Variants in CDK6 observed in about 807,000 individuals in gnomAD.
The protein encoded by CDK6 is cyclin dependent kinase 6, also known as cyclin-dependent kinase 6.
Under a neutral mutation model 37.1 loss-of-function variants are expected in CDK6, and 6 were observed. The ratio of observed to expected loss-of-function variants is 0.16; its 90% confidence interval spans 0.09 to 0.32. The LOEUF is 0.32. Ranked by LOEUF, CDK6 falls within the 10% of genes least tolerant of loss-of-function variation. CDK6 has a pLI of 1.00. For missense variants in CDK6, 224 were observed against 418.9 expected, an observed-to-expected ratio of 0.53 and a Z score of 4.06; for synonymous variants, 160 against 161.3, an observed-to-expected ratio of 0.99 and a Z score of 0.06.
chr7:92,758,366 C>T (rs1193781079), intron 3 of CDK6, among the ~76,000 whole-genome samples: 1 of 152,162 alleles, frequency 6.6e-6, no homozygotes, highest in Non-Finnish European at 1.5e-5. Context: ...GCCAGTTATT[C>T]CAGCACCCTT....
chr7:92,725,267 C>G, intron 4 of CDK6: 1 of 985,438 alleles, frequency 1.0e-6, no homozygotes, highest in Non-Finnish European at 1.2e-6. Context: ...CAACGTTGCT[C>G]GTGCTCTTTC....
chr7:92,722,091 C>T (rs1013747411), intron 4 of CDK6, among the ~76,000 whole-genome samples: 1 of 151,956 alleles, frequency 6.6e-6, no homozygotes, highest in African/African-American at 2.4e-5. Flanking sequence ...TATGTAAGAA[C>T]ATTTTGAAGT....
chr7:92,740,839 A>G (rs1798905849), intron 3 of CDK6, among the ~76,000 whole-genome samples: 1 of 152,166 alleles, frequency 6.6e-6, no homozygotes, highest in Non-Finnish European at 1.5e-5. Context: ...CCATATCATC[A>G]GAAACCTAAG....
chr7:92,691,500 T>C (rs754551022), intron 4 of CDK6, among the ~76,000 whole-genome samples: 4 of 152,362 alleles, frequency 2.6e-5, no homozygotes, highest in Admixed American at 6.5e-5. Context: ...GTTAGTTTCA[T>C]AGAATTTCAT....
At chr7:92,633,825 T>C (rs1251532126) in intron 5 of CDK6, among the ~76,000 whole-genome samples, 2 of 152,192 alleles carry the variant, frequency 1.3e-5, no homozygotes, top group Non-Finnish European at 2.9e-5. Context: ...TGAACTGTAT[T>C]ATGAGTATAA....
At chr7:92,669,592 C>T (rs553939833) in intron 5 of CDK6, among the ~76,000 whole-genome samples, 1 of 152,232 alleles carries the variant, frequency 6.6e-6, no homozygotes, top group Non-Finnish European at 1.5e-5. Context: ...AGTAGAATGA[C>T]TGTCTTAACT....
chr7:92,707,422 T>A (rs1797992800), intron 4 of CDK6, among the ~76,000 whole-genome samples: 1 of 152,260 alleles, frequency 6.6e-6, no homozygotes. Flanking sequence ...GCCGTTATAC[T>A]GCTTTTTGAA....
chr7:92,784,949 G>A (rs1473518247), intron 2 of CDK6, among the ~76,000 whole-genome samples: 1 of 152,152 alleles, frequency 6.6e-6, no homozygotes, highest in African/African-American at 2.4e-5. Context: ...GCTGTTAAAC[G>A]AAGACTCAAA....
chr7:92,793,639 A>G (rs1244847884), intron 2 of CDK6, among the ~76,000 whole-genome samples: 2 of 152,174 alleles, frequency 1.3e-5, no homozygotes, highest in African/African-American at 2.4e-5. Context: ...AGCTAAAACT[A>G]TAAAACTCTT....
rs1801571726 is a variant in CDK6 at position 92,833,908 on chromosome 7, C to T, written c.-367-218G>A. ...CTGCAGGGCTGAAGCCGTCTTCGCG[C>T]GGAGAGGTTGCAGGGGCCCCTCGGG... On this transcript the variant is annotated intron_variant, in intron 1 of 7. Coordinates refer to ENST00000424848, the MANE Select transcript of CDK6 (RefSeq NM_001145306.2). This position sits in a 1 kb window ranked among gnomAD's most constrained non-coding sequence, Gnocchi z 6.1. 2.5e-6 allele frequency: 1 copy of T among 398,818 alleles called. No individual in the cohort carries two copies. The highest frequency in any genetic ancestry group is 4.4e-6 in the Non-Finnish European group (1 of 226,328). 24.7% of individuals were successfully genotyped at this position (398,818 alleles called of 1,614,324 possible).
At chr7:92,620,986 T>C (rs1795794567) in intron 6 of CDK6, among the ~76,000 whole-genome samples, 1 of 152,206 alleles carries the variant, frequency 6.6e-6, no homozygotes, top group South Asian at 2.1e-4. Flanking sequence ...AATGAACTTT[T>C]ATGGCCCAAA....
At chr7:92,701,894 C>T (rs1320724330) in intron 4 of CDK6, 1 of 152,182 alleles carries the variant, frequency 6.6e-6, no homozygotes, top group Non-Finnish European at 1.5e-5. Flanking sequence ...AAACGGACAC[C>T]TCCACTAGGA....
intron 2 of CDK6, among the ~76,000 whole-genome samples, chr7:92,778,937 A>ATC (rs1799915214): frequency 7.0e-6 from 1 of 143,716 alleles, no homozygotes; most frequent in Non-Finnish European, 1.5e-5. Flanking sequence ...ATATATATAT[A>ATC]TATATATATA....
At chr7:92,644,673 C>T (rs1295164587) in intron 5 of CDK6, among the ~76,000 whole-genome samples, 1 of 152,154 alleles carries the variant, frequency 6.6e-6, no homozygotes, top group African/African-American at 2.4e-5. Context: ...GCCTGGTCCA[C>T]CCTGAAAAAG....
At chr7:92,655,845 C>CTT (rs1396045865) in intron 5 of CDK6, among the ~76,000 whole-genome samples, 6 of 152,348 alleles carry the variant, frequency 3.9e-5, no homozygotes, top group South Asian at 4.1e-4. Context: ...TCACACCTTT[C>CTT]TTTTTCCTGT....
chr7:92,626,290 T>C (rs1376737695), intron 5 of CDK6, among the ~76,000 whole-genome samples: 1 of 152,100 alleles, frequency 6.6e-6, no homozygotes, highest in African/African-American at 2.4e-5. Context: ...ATGTAAGTCA[T>C]ATGATATACA....
chr7:92,721,632 C>T (rs1175987445), intron 4 of CDK6, among the ~76,000 whole-genome samples: 1 of 152,158 alleles, frequency 6.6e-6, no homozygotes, highest in Non-Finnish European at 1.5e-5. Flanking sequence ...TGGAGGCAGC[C>T]TGGCAAAGTT....
At chr7:92,715,360 G>A (rs2116689695) in intron 4 of CDK6, among the ~76,000 whole-genome samples, 1 of 152,108 alleles carries the variant, frequency 6.6e-6, no homozygotes, top group South Asian at 2.1e-4. Flanking sequence ...TTTAGATTCT[G>A]CCAGCCTTCA....
intron 2 of CDK6, among the ~76,000 whole-genome samples, chr7:92,821,081 C>T (rs1436584346): frequency 2.0e-5 from 3 of 152,008 alleles, no homozygotes; most frequent in Non-Finnish European, 4.4e-5. Flanking sequence ...AACAACAAAA[C>T]GTGGCATAAT....
Sources: gnomAD v4.1 joint callset for allele counts (sites outside exome capture counted in the v4.1 genomes callset) on GRCh38, gnomAD v4.1.1 for gene constraint, Gnocchi (gnomAD v3.1) non-coding constraint, MANE v1.5 for transcripts, NCBI Gene and HGNC (gene_info 2026-07-23, HGNC 2026-07-21) for gene names.